Variants in VPS13D observed in about 807,000 individuals in gnomAD.
The protein encoded by VPS13D is vacuolar protein sorting 13 homolog D.
VPS13D carries 187 observed loss-of-function variants against 461.9 expected under a neutral mutation model. That is an observed-to-expected ratio of 0.40 (90% confidence interval 0.36 to 0.46). The LOEUF (loss-of-function observed/expected upper bound fraction) is 0.46, where lower values mean the gene tolerates loss of function less well. VPS13D is among the 20% of genes least tolerant of loss of function. The pLI is 0.60. For synonymous variants in VPS13D, 1,951 were observed against 1,986.3 expected (o/e 0.98, Z 0.47); for missense variants, 4,711 against 5,364.9 (o/e 0.88, Z 3.81).
chr1:12,459,863 T>C (rs183353462), intron 66 of VPS13D, among the ~76,000 whole-genome samples: 1 of 152,150 alleles, frequency 6.6e-6, no homozygotes, highest in Admixed American at 6.5e-5. Context: ...TAATCCTCTA[T>C]CTGTATCCTC....
At chr1:12,317,993 C>T (rs1173955836) in intron 30 of VPS13D, 79 bp from the exon 31 acceptor site, 2 of 1,450,844 alleles carry the variant, frequency 1.4e-6, no homozygotes, top group Middle Eastern at 2.2e-4. Flanking sequence ...CCTGCCAAAA[C>T]TGAGCAGTAC....
At chr1:12,304,321 TGTC>T (rs1335856622) in intron 25 of VPS13D, among the ~76,000 whole-genome samples, 182 bp from the exon 26 acceptor site, 1 of 152,188 alleles carries the variant, frequency 6.6e-6, no homozygotes, top group East Asian at 1.9e-4. Context: ...TGGCAGTAAA[TGTC>T]GTGATCCTGG....
intron 65 of VPS13D, among the ~76,000 whole-genome samples, chr1:12,453,313 A>G (rs1172545067): frequency 6.6e-6 from 1 of 152,158 alleles, no homozygotes; most frequent in Non-Finnish European, 1.5e-5. Flanking sequence ...CCTCCTAGTT[A>G]GCTGCCAGCG....
intron 66 of VPS13D, among the ~76,000 whole-genome samples, chr1:12,458,514 C>A (rs72868298): frequency 1.3e-5 from 2 of 151,744 alleles, no homozygotes; most frequent in South Asian, 4.2e-4. Context: ...CTGCAGCAAG[C>A]GGTAATCATG....
intron 60 of VPS13D, among the ~76,000 whole-genome samples, chr1:12,390,989 A>G (rs1050045012): frequency 8.5e-5 from 13 of 152,190 alleles, no homozygotes; most frequent in African/African-American, 2.9e-4. Context: ...GGATACAAGT[A>G]TCTTCAGTTT....
At chr1:12,239,026 G>T (rs1374364298) in intron 2 of VPS13D, among the ~76,000 whole-genome samples, 1 of 152,184 alleles carries the variant, frequency 6.6e-6, no homozygotes, top group Non-Finnish European at 1.5e-5. Context: ...TAGATTAAAT[G>T]ATTATTCTGG....
chr1:12,499,196 A>C (rs915925051), intron 68 of VPS13D, among the ~76,000 whole-genome samples: 2 of 152,084 alleles, frequency 1.3e-5, no homozygotes, highest in Admixed American at 1.3e-4. Context: ...GTCTACTACA[A>C]TGGCAGCCCT....
chr1:12,249,600 A>AT (rs1459760019), intron 6 of VPS13D: 2 of 284,600 alleles, frequency 7.0e-6, no homozygotes, highest in African/African-American at 4.5e-5. Flanking sequence ...TTTATTTTTG[A>AT]TTTTTTTCTC....
chr1:12,385,121 C>A, intron 58 of VPS13D, 139 bp from the exon 59 acceptor site: 1 of 662,698 alleles, frequency 1.5e-6, no homozygotes, highest in South Asian at 2.1e-5. Flanking sequence ...TCTTACCTTA[C>A]CAGTGCTTTG....
intron 54 of VPS13D, among the ~76,000 whole-genome samples, chr1:12,373,340 C>T (rs1258826318): frequency 6.6e-6 from 1 of 151,710 alleles, no homozygotes; most frequent in African/African-American, 2.4e-5. Flanking sequence ...AGGCTGGTTT[C>T]GAACTCCTGG....
At chr1:12,232,989 G>A (rs1485129946) in intron 1 of VPS13D, among the ~76,000 whole-genome samples, 1 of 150,506 alleles carries the variant, frequency 6.6e-6, no homozygotes, top group Non-Finnish European at 1.5e-5. Context: ...CTTTATTCAG[G>A]TTTGTTTCAT....
intron 26 of VPS13D, among the ~76,000 whole-genome samples, chr1:12,306,379 AGTCT>A (rs550730092): frequency 6.6e-6 from 1 of 152,176 alleles, no homozygotes; most frequent in Non-Finnish European, 1.5e-5. Context: ...ACTGCTTGCC[AGTCT>A]GTCTGCATGC....
chr1:12,303,005 C>G (rs1255225563), intron 25 of VPS13D, among the ~76,000 whole-genome samples: 3 of 152,080 alleles, frequency 2.0e-5, no homozygotes, highest in African/African-American at 7.2e-5. Context: ...ATAAACACAT[C>G]TGTGAAGTTC....
In VPS13D at chr1:12,266,984, G is replaced by A; in HGVS notation, c.1698G>A (p.Met566Ile). The change falls in exon 14 of 70, where the codon ATG becomes ATA. Residue 566 changes from methionine (M) to isoleucine (I), a missense_variant. Coordinates refer to ENST00000620676, the MANE Select transcript of VPS13D (RefSeq NM_015378.4). ...GAGACCTGGCTACAGAAGGAACTAT[G>A]TTTCCTCTTCTAGTCTTCCCTAATC... ...FLRDLATEGTMFPLLVFPNPQ... is the reference protein window; with the variant it reads ...FLRDLATEGTIFPLLVFPNPQ... The A allele has an allele frequency of 6.2e-7, 1 of 1,608,042 alleles. No individual in the cohort carries two copies. Among genetic ancestry groups the A allele is most frequent in the East Asian group, 2.2e-5 (1 of 44,778 alleles).
chr1:12,254,976 C>G (rs1005008560), intron 7 of VPS13D, among the ~76,000 whole-genome samples: 8 of 150,646 alleles, frequency 5.3e-5, no homozygotes, highest in Admixed American at 2.0e-4. Flanking sequence ...GACGGCATCT[C>G]GCTCGGTTGC....
chr1:12,488,512 T>C (rs1392890886), intron 67 of VPS13D, among the ~76,000 whole-genome samples: 1 of 150,776 alleles, frequency 6.6e-6, no homozygotes, highest in Non-Finnish European at 1.5e-5. Context: ...TTAAAAGAGG[T>C]CAACTTTGGG....
chr1:12,244,367 T>G lies in VPS13D; in HGVS notation c.297T>G (p.Asp99Glu). The G allele has an allele frequency of 6.2e-7, 1 of 1,614,032 alleles. No individual in the cohort carries two copies. The highest frequency in any genetic ancestry group is 2.2e-5 in the East Asian group (1 of 44,884). ...CAGAGAAAATACAGGATTTCAATGA[T>G]GAAAAGGAGAAGCTGTTGGAAAGGG... ...GAPEKIQDFNDEKEKLLERER... is the reference protein window; with the variant it reads ...GAPEKIQDFNEEKEKLLERER... The change falls in exon 4 of 70, where the codon GAT becomes GAG. Residue 99 changes from aspartate to glutamate, a missense_variant. By Grantham distance (45) the Asp-to-Glu change is conservative. Around this residue, in one of 3 missense-constraint regions of VPS13D, gnomAD observed 4,411 missense variants for 4,937.8 expected, o/e 0.89. Coordinates refer to ENST00000620676, the MANE Select transcript of VPS13D (RefSeq NM_015378.4).
At chr1:12,311,395 CTA>C in intron 27 of VPS13D, 57 bp from the exon 28 acceptor site, 1 of 1,516,150 alleles carries the variant, frequency 6.6e-7, no homozygotes, top group Non-Finnish European at 8.9e-7. Context: ...TGGGCGTGAG[CTA>C]TGTCAGTGTT....
In VPS13D at chr1:12,283,642, C is replaced by T; in HGVS notation, c.5540C>T (p.Pro1847Leu). ...STADNHAMRL[P>L]PEGILHNVKL... ...GCAGACAACCACGCAATGAGGCTGCCTCCTGAGGGCATTCTGCACAACGTG... is the reference window on the plus strand; with the variant it reads ...GCAGACAACCACGCAATGAGGCTGCTTCCTGAGGGCATTCTGCACAACGTG... The change falls in exon 21 of 70, where the codon CCT becomes CTT. Residue 1847 changes from proline to leucine, a missense_variant. Around this residue, in one of 3 missense-constraint regions of VPS13D, gnomAD observed 4,411 missense variants for 4,937.8 expected, o/e 0.89. Coordinates refer to ENST00000620676, the MANE Select transcript of VPS13D (RefSeq NM_015378.4). The T allele has an allele frequency of 6.2e-7, 1 of 1,614,182 alleles. No individual in the cohort carries two copies. Among genetic ancestry groups the T allele is most frequent in the Non-Finnish European group, 8.5e-7 (1 of 1,180,028 alleles).
Sources: gnomAD v4.1 joint callset for allele counts (sites outside exome capture counted in the v4.1 genomes callset) on GRCh38, gnomAD v4.1.1 for gene constraint, gnomAD v4.1.1 regional missense constraint, MANE v1.5 for transcripts, NCBI Gene and HGNC (gene_info 2026-07-23, HGNC 2026-07-21) for gene names.